TMEM132C: variants seen among roughly 807,000 people sequenced by gnomAD.
TMEM132C encodes the protein transmembrane protein 132C, also known as protein phosphatase 1, regulatory subunit 152.
TMEM132C carries 29 observed loss-of-function variants against 61.4 expected under a neutral mutation model. That is an observed-to-expected ratio of 0.47 (90% CI 0.35 to 0.64). The LOEUF is 0.64. Among genes scored for constraint, TMEM132C ranks in the 30% least tolerant of loss-of-function variants. The pLI is 0.00. For synonymous variants in TMEM132C, 656 were observed against 633.1 expected (o/e 1.04, Z -0.54); for missense variants, 1,408 against 1,476.9 (o/e 0.95, Z 0.76).
At chr12:128,670,808 C>T (rs910553282) in intron 5 of TMEM132C, among the ~76,000 whole-genome samples, 29 of 152,246 alleles carry the variant, frequency 1.9e-4, no homozygotes, top group African/African-American at 5.8e-4. Flanking sequence ...AGATTCTGCT[C>T]TTTGTCTTTC....
chr12:128,418,443 C>G (rs1868860031), intron 2 of TMEM132C, among the ~76,000 whole-genome samples: 1 of 152,214 alleles, frequency 6.6e-6, no homozygotes, highest in African/African-American at 2.4e-5. Flanking sequence ...TATGTGGAGT[C>G]TCTCTGTTTC....
chr12:128,490,286 G>C (rs1871672367), intron 2 of TMEM132C, among the ~76,000 whole-genome samples: 1 of 152,182 alleles, frequency 6.6e-6, no homozygotes, highest in Admixed American at 6.5e-5. Context: ...CTTGTACCTG[G>C]CTTTTGTCGT....
At chr12:128,510,342 G>A (rs932097382) in intron 2 of TMEM132C, among the ~76,000 whole-genome samples, 7 of 152,112 alleles carry the variant, frequency 4.6e-5, no homozygotes, top group Non-Finnish European at 1.0e-4. Context: ...TTTGCACATC[G>A]ATCACCATCA....
intron 4 of TMEM132C, among the ~76,000 whole-genome samples, chr12:128,623,755 CT>C (rs1953989326): frequency 6.6e-6 from 1 of 151,556 alleles, no homozygotes; most frequent in Non-Finnish European, 1.5e-5. Context: ...TTGCAGTGAG[CT>C]GAGATTGCCA....
At chr12:128,632,010 G>A (rs943881828) in intron 4 of TMEM132C, among the ~76,000 whole-genome samples, 14 of 152,156 alleles carry the variant, frequency 9.2e-5, no homozygotes, top group Non-Finnish European at 1.6e-4. Context: ...GGGAAGGGGG[G>A]CTGACAAACC....
At position 128,706,339 on chromosome 12, in the gene TMEM132C, T is replaced by C. The variant is rs1239696553; in HGVS notation, c.*44T>C. On this transcript the variant is annotated 3_prime_UTR_variant, in exon 9 of 9. Coordinates refer to ENST00000435159, the MANE Select transcript of TMEM132C (RefSeq NM_001136103.3). ...CCCTGCCCAGATGCCTTCCTTGTAC[T>C]GGAAACTGGCCCAAGTGGGGCAGAA... 2 of 1,460,762 alleles carry C rather than the reference T, an allele frequency of 1.4e-6. No individual in the cohort carries two copies. Among genetic ancestry groups the C allele is most frequent in the Admixed American group, 2.6e-5 (1 of 38,274 alleles). 90.5% of individuals were successfully genotyped at this position (1,460,762 alleles called of 1,614,324 possible). A position where few individuals can be genotyped will look rare whatever the true frequency, so the allele number is the denominator to read the frequency against.
chr12:128,536,568 A>G (rs10847639), intron 2 of TMEM132C, among the ~76,000 whole-genome samples: 96,133 of 151,948 alleles, frequency 0.63, 31,197 homozygotes, highest in African/African-American at 0.75. Flanking sequence ...CTGGCATGCT[A>G]TTGCTGCTAT....
chr12:128,332,360 A>G (rs1872685902), intron 1 of TMEM132C, among the ~76,000 whole-genome samples: 1 of 152,196 alleles, frequency 6.6e-6, no homozygotes, highest in Non-Finnish European at 1.5e-5. Flanking sequence ...CCCCAGAACT[A>G]TCGTCTAGAA....
intron 2 of TMEM132C, among the ~76,000 whole-genome samples, chr12:128,536,362 C>T (rs575040745): frequency 6.6e-6 from 1 of 151,612 alleles, no homozygotes; most frequent in South Asian, 2.1e-4. Flanking sequence ...GGTCACAGGG[C>T]AGAGAACATC....
At chr12:128,627,046 G>A (rs1039824945) in intron 4 of TMEM132C, among the ~76,000 whole-genome samples, 1 of 152,118 alleles carries the variant, frequency 6.6e-6, no homozygotes, top group Non-Finnish European at 1.5e-5. Flanking sequence ...CGGCATCTTT[G>A]TCCTCACTGT....
chr12:128,556,021 T>C (rs751073640), intron 3 of TMEM132C, among the ~76,000 whole-genome samples: 1 of 152,148 alleles, frequency 6.6e-6, no homozygotes, highest in African/African-American at 2.4e-5. Context: ...CTGGCCCAAG[T>C]TGTCTGTCAT....
At chr12:128,530,592 T>G (rs1024805278) in intron 2 of TMEM132C, among the ~76,000 whole-genome samples, 2 of 152,110 alleles carry the variant, frequency 1.3e-5, no homozygotes, top group African/African-American at 4.8e-5. Context: ...TACAAGCATG[T>G]GCCACCACGC....
intron 5 of TMEM132C, among the ~76,000 whole-genome samples, chr12:128,681,293 T>C (rs1357212182): frequency 6.6e-6 from 1 of 152,190 alleles, no homozygotes; most frequent in Non-Finnish European, 1.5e-5. Flanking sequence ...TTTTCATTTT[T>C]ATAAGTTTTT....
At chr12:128,566,189 CAAAAAAAA>C (rs59258589) in intron 3 of TMEM132C, among the ~76,000 whole-genome samples, 1 of 67,858 alleles carries the variant, frequency 1.5e-5, no homozygotes, top group Non-Finnish European at 3.2e-5. Context: ...CAAGCCTAAC[CAAAAAAAA>C]AAAAAAAAAA....
chr12:128,507,489 G>A (rs1468223181), intron 2 of TMEM132C, among the ~76,000 whole-genome samples: 7 of 145,518 alleles, frequency 4.8e-5, no homozygotes, highest in Admixed American at 2.9e-4. Context: ...GATTTCTCCC[G>A]AGGCACTGTC....
intron 1 of TMEM132C, among the ~76,000 whole-genome samples, chr12:128,396,056 A>G (rs1222740173): frequency 6.6e-6 from 1 of 152,186 alleles, no homozygotes; most frequent in East Asian, 1.9e-4. Context: ...AGAAAGATAC[A>G]TGGATGCGGG....
chr12:128,506,983 C>T (rs887878412), intron 2 of TMEM132C, among the ~76,000 whole-genome samples: 8 of 152,164 alleles, frequency 5.3e-5, no homozygotes, highest in Non-Finnish European at 1.0e-4. Context: ...TTCCTACCAC[C>T]CCAGGAGAGC....
At chr12:128,658,922 G>A (rs185252970) in intron 4 of TMEM132C, among the ~76,000 whole-genome samples, 23 of 152,342 alleles carry the variant, frequency 1.5e-4, no homozygotes, top group Non-Finnish European at 1.8e-4. Context: ...TGGATCAGAG[G>A]CTGTAACCAC....
intron 2 of TMEM132C, among the ~76,000 whole-genome samples, chr12:128,435,176 C>T (rs1281988767): frequency 6.6e-6 from 1 of 152,190 alleles, no homozygotes; most frequent in East Asian, 1.9e-4. Context: ...ATACCTTCAT[C>T]TTGGACCTCT....
Sources: gnomAD v4.1 joint callset for allele counts (sites outside exome capture counted in the v4.1 genomes callset) on GRCh38, gnomAD v4.1.1 for gene constraint, MANE v1.5 for transcripts, NCBI Gene and HGNC (gene_info 2026-07-23, HGNC 2026-07-21) for gene names.